The following AGBL1 variants were observed in gnomAD, a reference collection of about 807,000 sequenced individuals.
AGBL1 encodes the protein cytosolic carboxypeptidase 4.
A neutral mutation model predicts 118.9 loss-of-function variants in AGBL1; 130 were observed. The observed-to-expected ratio is 1.09, with a 90% CI of 0.95 to 1.26. The LOEUF is 1.26. Among genes scored for constraint, AGBL1 ranks in the 50% most tolerant of loss-of-function variants. The probability of loss-of-function intolerance (pLI) is 0.00; values close to 1 mark genes in which losing one functional copy is unlikely to be tolerated. For missense variants in AGBL1, 1,584 were observed against 1,298.1 expected (o/e 1.22, Z -3.38); for synonymous variants, 555 against 478.9 (o/e 1.16, Z -2.08).
At chr15:86,135,144 G>A (rs982078086) in intron 1 of AGBL1, among the ~76,000 whole-genome samples, 1 of 152,162 alleles carries the variant, frequency 6.6e-6, no homozygotes, top group African/African-American at 2.4e-5. Context: ...ACAGGAGCGG[G>A]TGAGTTCTCA....
At position 86,470,669 on chromosome 15, in the gene AGBL1, A is replaced by G. The variant is rs370624320; in HGVS notation, c.2556-52141A>G. ...ATATTAACTTTTTCAATTCTTAAAC[A>G]TGAGACGTCTTCCCATTTATTTGTG... On this transcript the variant is annotated intron_variant, in intron 18 of 22. Transcript: ENST00000614907. Among the ~76,000 whole-genome samples, 267 of 152,290 alleles carry G rather than the reference A, an allele frequency of 1.8e-3. 1 individual carries two copies. The highest frequency in any genetic ancestry group is 0.015 in the South Asian group (71 of 4,830).
In AGBL1 at chr15:86,817,151, C is replaced by T. The variant is rs565025621; in HGVS notation, c.3159-89936C>T. ...TAAAATACAAAAAAAATTAGCCAGG[C>T]GTGGTGGTCAGGTGGCTGTAATCCC... On this transcript the variant is annotated intron_variant, in intron 22 of 22. Transcript: ENST00000614907. Among the ~76,000 whole-genome samples, 43 of 151,682 alleles carry T rather than the reference C, an allele frequency of 2.8e-4. No individual in the cohort carries two copies. The South Asian group carries it at 6.5e-3, about 23-fold the overall frequency.
At chr15:87,031,130 C>T (rs1242644661), downstream of AGBL1, among the ~76,000 whole-genome samples, 1 of 152,006 alleles carries the variant, frequency 6.6e-6, no homozygotes, top group Non-Finnish European at 1.5e-5. Flanking sequence ...ACAAATTCAA[C>T]CTTCCCTTAT....
intron 22 of AGBL1, among the ~76,000 whole-genome samples, chr15:86,700,805 A>G (rs1339011811): frequency 1.3e-5 from 2 of 152,054 alleles, no homozygotes; most frequent in African/African-American, 4.8e-5. Context: ...TTACCAAGAT[A>G]CCTGATACCA....
chr15:86,470,092 C>T (rs7175265), intron 18 of AGBL1, among the ~76,000 whole-genome samples: 70,233 of 151,912 alleles, frequency 0.46, 16,831 homozygotes, highest in Middle Eastern at 0.55. Flanking sequence ...ATTCCATTTG[C>T]CCATTTTTGC....
At chr15:86,832,753 G>T (rs1287925814) in intron 22 of AGBL1, among the ~76,000 whole-genome samples, 1 of 152,146 alleles carries the variant, frequency 6.6e-6, no homozygotes, top group Non-Finnish European at 1.5e-5. Context: ...CTTCTTCTGA[G>T]TCCTTCAGAC....
chr15:86,935,991 T>C (rs7166106), intron 23 of AGBL1, among the ~76,000 whole-genome samples: 109,088 of 152,198 alleles, frequency 0.72, 40,166 homozygotes, highest in South Asian at 0.9. Flanking sequence ...AGACTTGTCC[T>C]GTCCTCGGCT....
At chr15:86,596,270 T>A (rs1016027162) in intron 21 of AGBL1, among the ~76,000 whole-genome samples, 1 of 152,098 alleles carries the variant, frequency 6.6e-6, no homozygotes, top group African/African-American at 2.4e-5. Context: ...ACAAAAGTCC[T>A]CTTCGCCACC....
intron 17 of AGBL1, among the ~76,000 whole-genome samples, chr15:86,365,490 G>A (rs1035568147): frequency 6.6e-6 from 1 of 152,130 alleles, no homozygotes; most frequent in African/African-American, 2.4e-5. Context: ...CTCAACAACT[G>A]TTTGGAAAAA....
chr15:86,720,368 T>G (rs1252385310), intron 22 of AGBL1, among the ~76,000 whole-genome samples: 1 of 152,232 alleles, frequency 6.6e-6, no homozygotes, highest in East Asian at 1.9e-4. Context: ...TTTCTGTCAT[T>G]CCTAGCCTCA....
chr15:86,379,314 ATAT>A (rs1466317310), intron 17 of AGBL1, among the ~76,000 whole-genome samples: 1 of 152,146 alleles, frequency 6.6e-6, no homozygotes, highest in African/African-American at 2.4e-5. Flanking sequence ...GAATATGATA[ATAT>A]TATTACATAA....
intron 22 of AGBL1, among the ~76,000 whole-genome samples, chr15:86,815,827 G>A (rs1323100770): frequency 2.6e-5 from 4 of 152,254 alleles, no homozygotes; most frequent in Non-Finnish European, 4.4e-5. Flanking sequence ...GTGTTTGAAG[G>A]TGATTCCAGA....
chr15:86,956,222 T>C (rs1282077505), intron 23 of AGBL1, among the ~76,000 whole-genome samples: 2 of 46,150 alleles, frequency 4.3e-5, no homozygotes, highest in Non-Finnish European at 1.0e-4. Context: ...ATTGATTAGA[T>C]AGATAGATAG....
At position 86,295,351 on chromosome 15, in the gene AGBL1, T is replaced by C. The variant is rs372659390; in HGVS notation, c.2317T>C (p.Leu773=). ...GACGCTGGGAGGGAATCCGTGTCCC[T>C]TGGTGACCATCACGGCCATGCCTGA... The part of the protein sequence containing the change: ...CQTLGGNPCP[L]VTITAMPESN... Residue 773 remains leucine, a synonymous_variant, in exon 17 of 23, where the codon TTG becomes CTG. Transcript: ENST00000614907. The C allele has an allele frequency of 6.8e-6, 11 of 1,612,066 alleles. No homozygotes were observed. The African/African-American group carries it at 1.3e-4, about 20-fold the overall frequency.
intron 21 of AGBL1, among the ~76,000 whole-genome samples, chr15:86,645,941 C>T (rs1474043009): frequency 1.3e-5 from 2 of 152,180 alleles, no homozygotes; most frequent in Non-Finnish European, 2.9e-5. Context: ...GCTTGCTTTT[C>T]AGGTTTAAGC....
chr15:86,753,409 T>C (rs1291040293), intron 22 of AGBL1, among the ~76,000 whole-genome samples: 2 of 124,642 alleles, frequency 1.6e-5, no homozygotes, highest in African/African-American at 5.6e-5. Context: ...TTTTTTTTTT[T>C]TTTTTTGAGA....
At chr15:86,534,243 A>G (rs921710742) in intron 19 of AGBL1, among the ~76,000 whole-genome samples, 1 of 151,218 alleles carries the variant, frequency 6.6e-6, no homozygotes, top group Non-Finnish European at 1.5e-5. Flanking sequence ...ACAAAGGCCC[A>G]TGTGAGCTTT....
chr15:86,312,629 G>A (rs2079937685), intron 17 of AGBL1, among the ~76,000 whole-genome samples: 1 of 152,182 alleles, frequency 6.6e-6, no homozygotes, highest in Non-Finnish European at 1.5e-5. Flanking sequence ...TATCTTCCCT[G>A]CAGCTGATTT....
At chr15:86,152,897 A>G (rs773196845) in intron 3 of AGBL1, among the ~76,000 whole-genome samples, 1 of 152,260 alleles carries the variant, frequency 6.6e-6, no homozygotes, top group Non-Finnish European at 1.5e-5. Flanking sequence ...CAGCCAACAG[A>G]CATGTGAAGA....
Sources: gnomAD v4.1 joint callset for allele counts (sites outside exome capture counted in the v4.1 genomes callset) on GRCh38, gnomAD v4.1.1 for gene constraint, MANE v1.5 for transcripts, NCBI Gene and HGNC (gene_info 2026-07-23, HGNC 2026-07-21) for gene names.